The following SPIRE1 variants were observed in gnomAD, a reference collection of about 807,000 sequenced individuals.
SPIRE1 encodes the protein protein spire homolog 1.
SPIRE1 carries 40 observed loss-of-function variants against 94.1 expected under a neutral mutation model. The ratio of observed to expected loss-of-function variants is 0.43; its 90% CI spans 0.33 to 0.55. The LOEUF (loss-of-function observed/expected upper bound fraction) is 0.55. Among genes scored for constraint, SPIRE1 ranks in the 20% least tolerant of loss-of-function variants. SPIRE1 has a pLI of 0.06. For synonymous variants in SPIRE1, 376 were observed against 371.7 expected (o/e 1.01, Z -0.13); for missense variants, 838 against 975.2 (o/e 0.86, Z 1.87).
chr18:12,466,971 C>T (rs951234947), intron 10 of SPIRE1, among the ~76,000 whole-genome samples: 5 of 152,184 alleles, frequency 3.3e-5, no homozygotes, highest in South Asian at 2.1e-4. Flanking sequence ...GCCACGTAAA[C>T]GACATAGTTC....
At chr18:12,487,403 T>C (rs2033076068) in intron 8 of SPIRE1, among the ~76,000 whole-genome samples, 1 of 30,336 alleles carries the variant, frequency 3.3e-5, no homozygotes, top group South Asian at 1.1e-3. Flanking sequence ...ATTTTCTTTC[T>C]TTTTTTTTTT....
At chr18:12,466,954 A>C (rs1348247948) in intron 10 of SPIRE1, among the ~76,000 whole-genome samples, 1 of 152,200 alleles carries the variant, frequency 6.6e-6, no homozygotes, top group Non-Finnish European at 1.5e-5. Context: ...ACAGGGCGGA[A>C]AAAAAGGCCA....
At chr18:12,647,896 A>G (rs996173088) in intron 1 of SPIRE1, among the ~76,000 whole-genome samples, 2 of 152,202 alleles carry the variant, frequency 1.3e-5, no homozygotes, top group Non-Finnish European at 2.9e-5. Context: ...GAAATATATA[A>G]GATGATCCTT....
At chr18:12,544,989 A>G (rs186530649) in intron 3 of SPIRE1, among the ~76,000 whole-genome samples, 22 of 152,222 alleles carry the variant, frequency 1.4e-4, no homozygotes, top group Admixed American at 1.4e-3. Context: ...CCCCCAACAC[A>G]CACACCACCA....
intron 2 of SPIRE1, among the ~76,000 whole-genome samples, chr18:12,626,926 T>C (rs1440530803): frequency 7.2e-6 from 1 of 139,046 alleles, no homozygotes; most frequent in Non-Finnish European, 1.6e-5. Flanking sequence ...TCATTTTTAA[T>C]TTAAAAAGAT....
In SPIRE1 at chr18:12,599,161, A is replaced by G. The variant is rs117981886; in HGVS notation, c.372+35901T>C. Among the ~76,000 whole-genome samples the G allele has an allele frequency of 1.3e-3, 197 of 152,326 alleles. 3 individuals carry two copies. In the East Asian group the frequency reaches 0.031, roughly 24 times the overall value. On this transcript the variant is annotated intron_variant, in intron 2 of 16. Coordinates refer to ENST00000409402, the MANE Select transcript of SPIRE1 (RefSeq NM_001128626.2). ...ATAAGAAATTTAACATCTAATCCACAGTCTATATTCAAATTTCAACTGTTC... is the reference window on the plus strand; with the variant it reads ...ATAAGAAATTTAACATCTAATCCACGGTCTATATTCAAATTTCAACTGTTC...
intron 3 of SPIRE1, among the ~76,000 whole-genome samples, chr18:12,543,244 T>G (rs1186888186): frequency 1.3e-5 from 2 of 152,180 alleles, no homozygotes; most frequent in African/African-American, 4.8e-5. Flanking sequence ...GGTCTGCTGG[T>G]GACAAATTTT....
chr18:12,602,888 T>C (rs1210995631), intron 2 of SPIRE1, among the ~76,000 whole-genome samples: 34 of 152,214 alleles, frequency 2.2e-4, no homozygotes, highest in Admixed American at 2.2e-3. Context: ...ACGGCCTAGT[T>C]ATGTATGAAG....
chr18:12,565,274 G>C (rs762279255), intron 2 of SPIRE1, among the ~76,000 whole-genome samples: 2 of 152,174 alleles, frequency 1.3e-5, no homozygotes, highest in Non-Finnish European at 2.9e-5. Context: ...AAAATGGAAT[G>C]AAATATTCAA....
chr18:12,549,439 G>GTTTTTTTTTTTTTT lies in SPIRE1; in HGVS notation c.373-2549_373-2536dup, dbSNP rs869122444. Among the ~76,000 whole-genome samples, 51 of 41,260 alleles carry GTTTTTTTTTTTTTT rather than the reference G, an allele frequency of 1.2e-3. 2 individuals are homozygous for GTTTTTTTTTTTTTT. The highest frequency in any genetic ancestry group is 1.7e-3 in the South Asian group (1 of 592). The allele number at this position is 41,260 out of a possible 152,430, so 27.1% of individuals were successfully genotyped here. On this transcript the variant is annotated intron_variant, in intron 2 of 16. Transcript: ENST00000409402. ...CTTTTTGTTTGTTTTTGTTATTGTT[G>GTTTTTTTTTTTTTT]TTTTTTTTTTTTTTTTTTTTTTTTT...
At chr18:12,576,581 CAAAAAAA>C (rs762895518) in intron 2 of SPIRE1, among the ~76,000 whole-genome samples, 4 of 31,012 alleles carry the variant, frequency 1.3e-4, no homozygotes, top group Admixed American at 4.8e-4. Context: ...GACTCCATCT[CAAAAAAA>C]AAAAAAAAAA....
upstream of SPIRE1, chr18:12,658,440 C>CG: frequency 2.5e-6 from 1 of 407,636 alleles, no homozygotes; most frequent in Admixed American, 2.8e-5. Flanking sequence ...GGCGCGCGGT[C>CG]GGGGGGCGCA....
intron 9 of SPIRE1, among the ~76,000 whole-genome samples, chr18:12,480,522 G>A (rs1042309104): frequency 2.0e-5 from 3 of 152,182 alleles, no homozygotes; most frequent in African/African-American, 7.2e-5. Context: ...ACTAACAGAC[G>A]TGGGCTTGTT....
In SPIRE1 at chr18:12,581,378, G is replaced by A. The variant is rs183671495; in HGVS notation, c.373-34474C>T. ...TAGTAACCATTAATTAAGGTTTCACGCTATACAATGTATAATTTCCGTTTT... is the reference window on the plus strand; with the variant it reads ...TAGTAACCATTAATTAAGGTTTCACACTATACAATGTATAATTTCCGTTTT... On this transcript the variant is annotated intron_variant, in intron 2 of 16. Coordinates refer to ENST00000409402, the MANE Select transcript of SPIRE1 (RefSeq NM_001128626.2). Among the ~76,000 whole-genome samples the A allele has an allele frequency of 3.2e-4, 49 of 152,076 alleles. 1 individual carries two copies. Among genetic ancestry groups the A allele is most frequent in the African/African-American group, 1.1e-3 (44 of 41,468 alleles).
intron 3 of SPIRE1, 54 bp from the exon 4 acceptor site, chr18:12,535,655 T>G (rs1277735683): frequency 2.6e-6 from 4 of 1,558,572 alleles, no homozygotes; most frequent in East Asian, 2.3e-5. Context: ...GGGTTTTTTT[T>G]GTACTTAAAA....
chr18:12,466,011 G>A (rs886600943), intron 10 of SPIRE1, among the ~76,000 whole-genome samples: 9 of 151,774 alleles, frequency 5.9e-5, no homozygotes, highest in African/African-American at 1.9e-4. Flanking sequence ...TTGACCCGGG[G>A]AGGCAGCGGT....
chr18:12,579,234 A>ACAC (rs1567947028), intron 2 of SPIRE1, among the ~76,000 whole-genome samples: 1 of 139,002 alleles, frequency 7.2e-6, no homozygotes, highest in Non-Finnish European at 1.6e-5. Flanking sequence ...CACACACACA[A>ACAC]AATACTGACT....
At chr18:12,580,804 C>T (rs1365582724) in intron 2 of SPIRE1, among the ~76,000 whole-genome samples, 4 of 152,098 alleles carry the variant, frequency 2.6e-5, no homozygotes, top group African/African-American at 4.8e-5. Context: ...AATTCCAACA[C>T]TTGGGAGGCG....
rs185184540 is a variant in SPIRE1 at position 12,520,333 on chromosome 18, C to T, written c.730-7802G>A. Among the ~76,000 whole-genome samples, 102 of 152,240 alleles carry T rather than the reference C, an allele frequency of 6.7e-4. 1 individual carries two copies. Among genetic ancestry groups the T allele is most frequent in the African/African-American group, 2.4e-3 (99 of 41,540 alleles). ...ACAATTTAATGTAATATTTTTACAA[C>T]TCCTGGGTTTTGAACCACGTGAAAT... is the stretch of plus-strand genomic sequence containing the variant. On this transcript the variant is annotated intron_variant, in intron 4 of 16. Transcript: ENST00000409402.
Sources: allele counts gnomAD v4.1 joint callset (sites outside exome capture counted in the v4.1 genomes callset), GRCh38; gene constraint gnomAD v4.1.1; transcripts MANE v1.5; gene names NCBI Gene and HGNC (gene_info 2026-07-23, HGNC 2026-07-21).